The following METTL16 variants were observed in gnomAD, a reference collection of about 807,000 sequenced individuals.
The protein encoded by METTL16 is RNA N(6)-adenosine-methyltransferase METTL16.
In METTL16, 19 loss-of-function variants were observed where a neutral mutation model predicts 57.9. That is an observed-to-expected ratio of 0.33 (90% CI 0.23 to 0.48). METTL16 has a LOEUF of 0.48. METTL16 is among the 20% of genes least tolerant of loss of function. The pLI is 0.99. For synonymous variants in METTL16, 246 were observed against 255.6 expected (o/e 0.96, Z 0.36); for missense variants, 434 against 691.5 (o/e 0.63, Z 4.18).
chr17:2,503,931 C>T (rs535064029), intron 1 of METTL16, among the ~76,000 whole-genome samples: 92 of 151,752 alleles, frequency 6.1e-4, no homozygotes, highest in Non-Finnish European at 1.1e-3. Flanking sequence ...CAACAAAATA[C>T]GATATACCCA....
chr17:2,441,597 T>C lies in METTL16; in HGVS notation c.729-38A>G, dbSNP rs747402176. 33 of 1,426,138 alleles carry C rather than the reference T, an allele frequency of 2.3e-5. No homozygotes were observed. The East Asian group carries it at 2.5e-4, about 11-fold the overall frequency. The allele number at this position is 1,426,138 out of a possible 1,614,324, so 88.3% of individuals were successfully genotyped here. On this transcript the variant is annotated intron_variant, in intron 6 of 9. Coordinates refer to ENST00000263092, the MANE Select transcript of METTL16 (RefSeq NM_024086.4). ...AAATCAGACAAGTAAATACGGTTTA[T>C]GTGGTTAAAATTTTAAACTAAGCAT... is the stretch of plus-strand genomic sequence containing the variant.
intron 7 of METTL16, among the ~76,000 whole-genome samples, chr17:2,439,457 G>A (rs2066931565): frequency 6.6e-6 from 1 of 152,070 alleles, no homozygotes; most frequent in Admixed American, 6.6e-5. Flanking sequence ...GGAGCACGGG[G>A]CTCTGCTCTT....
At position 2,474,781 on chromosome 17, in the gene METTL16, C is replaced by A. The variant is rs1458056567; in HGVS notation, c.329-1117G>T. On this transcript the variant is annotated intron_variant, in intron 3 of 9. Coordinates refer to ENST00000263092, the MANE Select transcript of METTL16 (RefSeq NM_024086.4). ...TCTCTACTAAAAGTACAAAAATTAGCTGGGCATGATGGTGGGTACCTCCAG... is the reference window on the plus strand; with the variant it reads ...TCTCTACTAAAAGTACAAAAATTAGATGGGCATGATGGTGGGTACCTCCAG... 5.9e-5 allele frequency among the ~76,000 whole-genome samples: 9 copies of A among 152,166 alleles called. No homozygotes were observed. In the East Asian group the frequency reaches 1.7e-3, roughly 29 times the overall value.
intron 2 of METTL16, among the ~76,000 whole-genome samples, chr17:2,492,629 C>T (rs980517852): frequency 1.3e-5 from 2 of 152,072 alleles, no homozygotes; most frequent in Admixed American, 1.3e-4. Context: ...CAGTGGCTCA[C>T]ACCTGTAATC....
In METTL16 at chr17:2,419,645, A is replaced by G; in HGVS notation, c.*325T>C. 1 of 533,188 alleles carries G rather than the reference A, an allele frequency of 1.9e-6. No homozygotes were observed. The highest frequency in any genetic ancestry group is 3.6e-6 in the Non-Finnish European group (1 of 277,622). The allele number at this position is 533,188 out of a possible 1,614,324, so 33.0% of individuals were successfully genotyped here. A position where few individuals can be genotyped will look rare whatever the true frequency, so the allele number is the denominator to read the frequency against. On this transcript the variant is annotated 3_prime_UTR_variant, in exon 10 of 10. Transcript: ENST00000263092. ...AGTGCTGCCCAGCCCAGACTCCACA[A>G]ACAACCCTTCTGACCTTGCAGAGGC...
intron 6 of METTL16, among the ~76,000 whole-genome samples, chr17:2,448,783 A>AT (rs1795061270): frequency 9.0e-6 from 1 of 111,278 alleles, no homozygotes; most frequent in African/African-American, 5.8e-5. Context: ...TAAAAAAATA[A>AT]AAAAATAAAA....
At chr17:2,446,106 GAAATAGAAGAAAACTTCCTCAACCTAA>G (rs2066993456) in intron 6 of METTL16, among the ~76,000 whole-genome samples, 1 of 151,982 alleles carries the variant, frequency 6.6e-6, no homozygotes, top group African/African-American at 2.4e-5. Flanking sequence ...AAACAGACTA[GAAATAGAAGAAAACTTCCTCAACCTAA>G]TAAAGTGAAT....
At chr17:2,489,600 G>C (rs910038213) in intron 2 of METTL16, among the ~76,000 whole-genome samples, 1 of 151,714 alleles carries the variant, frequency 6.6e-6, no homozygotes, top group Admixed American at 6.6e-5. Context: ...TTAGCTGGGC[G>C]TGGTGGCACG....
At chr17:2,510,852 G>T (rs1487473561) in intron 1 of METTL16, among the ~76,000 whole-genome samples, 1 of 151,972 alleles carries the variant, frequency 6.6e-6, no homozygotes, top group Non-Finnish European at 1.5e-5. Flanking sequence ...TTTGTAGAAA[G>T]GGAGTCTGGC....
intron 8 of METTL16, among the ~76,000 whole-genome samples, chr17:2,435,806 G>A (rs2066905111): frequency 6.6e-6 from 1 of 151,742 alleles, no homozygotes; most frequent in South Asian, 2.1e-4. Flanking sequence ...TGGTAGGGGG[G>A]GAATCTGGGG....
intron 6 of METTL16, among the ~76,000 whole-genome samples, chr17:2,444,775 G>A (rs576755855): frequency 3.3e-5 from 5 of 150,144 alleles, no homozygotes; most frequent in South Asian, 4.3e-4. Flanking sequence ...GTGCAGTGGC[G>A]TGATCTTGGC....
chr17:2,493,300 A>C (rs1367462742), intron 2 of METTL16, among the ~76,000 whole-genome samples: 2 of 151,554 alleles, frequency 1.3e-5, no homozygotes, highest in Non-Finnish European at 2.9e-5. Context: ...TGTGTTAGCC[A>C]GGATAGTCTT....
chr17:2,422,512 T>G (rs2066774050), intron 8 of METTL16, among the ~76,000 whole-genome samples: 1 of 151,754 alleles, frequency 6.6e-6, no homozygotes, highest in Admixed American at 6.6e-5. Flanking sequence ...CCCAAGTACC[T>G]GGGACTACGT....
intron 1 of METTL16, 77 bp downstream of exon 1, chr17:2,511,682 A>G (rs887467594): frequency 5.1e-6 from 2 of 395,168 alleles, no homozygotes; most frequent in African/African-American, 4.1e-5. Flanking sequence ...CCAAAACTCA[A>G]GAATGAGGAA....
chr17:2,428,430 A>T (rs995667022), intron 8 of METTL16, among the ~76,000 whole-genome samples: 1 of 148,292 alleles, frequency 6.7e-6, no homozygotes, highest in African/African-American at 2.5e-5. Context: ...AGTGTAATGA[A>T]TTGAAAAATG....
intron 8 of METTL16, among the ~76,000 whole-genome samples, chr17:2,437,229 C>A (rs890859590): frequency 5.3e-5 from 8 of 152,100 alleles, no homozygotes; most frequent in African/African-American, 1.7e-4. Context: ...TTCTAGCACA[C>A]ACAAAATAGA....
chr17:2,480,108 C>T (rs550660802), intron 2 of METTL16, among the ~76,000 whole-genome samples: 1 of 151,426 alleles, frequency 6.6e-6, no homozygotes, highest in East Asian at 1.9e-4. Flanking sequence ...ATCGCTTGAA[C>T]CCGGAAGGCA....
intron 2 of METTL16, among the ~76,000 whole-genome samples, chr17:2,481,245 CA>C (rs1468128156): frequency 6.6e-6 from 1 of 150,760 alleles, no homozygotes; most frequent in African/African-American, 2.4e-5. Context: ...AAAAAAAACC[CA>C]GGATATTTAC....
chr17:2,454,963 C>T (rs1344673342), intron 6 of METTL16, among the ~76,000 whole-genome samples: 1 of 152,062 alleles, frequency 6.6e-6, no homozygotes, highest in Non-Finnish European at 1.5e-5. Context: ...CTCTGTTGCT[C>T]AGGCTGGAGT....
Sources: gnomAD v4.1 joint callset for allele counts (sites outside exome capture counted in the v4.1 genomes callset) on GRCh38, gnomAD v4.1.1 for gene constraint, MANE v1.5 for transcripts, NCBI Gene and HGNC (gene_info 2026-07-23, HGNC 2026-07-21) for gene names.